Variants in XXYLT1 observed in about 807,000 individuals in gnomAD.
XXYLT1 encodes the protein UDP-xylose:alpha-xyloside alpha-1,3-xylosyltransferase.
In XXYLT1, 20 loss-of-function variants were observed where a neutral mutation model predicts 28.9. The observed-to-expected ratio is 0.69, with a 90% CI of 0.49 to 1.00. The LOEUF (loss-of-function observed/expected upper bound fraction) is 1.00. XXYLT1 is among the 50% of genes least tolerant of loss of function. The probability of loss-of-function intolerance (pLI) is 0.00; values close to 1 mark genes in which losing one functional copy is unlikely to be tolerated. For missense variants in XXYLT1, 542 were observed against 560.1 expected (o/e 0.97, Z 0.33); for synonymous variants, 257 against 253.8 (o/e 1.01, Z -0.12).
chr3:195,170,665 CT>C (rs1721361911), intron 2 of XXYLT1, among the ~76,000 whole-genome samples: 1 of 152,214 alleles, frequency 6.6e-6, no homozygotes, highest in South Asian at 2.1e-4. Flanking sequence ...CTCTGAGTAT[CT>C]GAGCAGCTTA....
chr3:195,202,875 G>A (rs1208221459), intron 2 of XXYLT1, among the ~76,000 whole-genome samples: 2 of 152,148 alleles, frequency 1.3e-5, no homozygotes, highest in African/African-American at 4.8e-5. Context: ...TCACAATGTA[G>A]AAATCACAAG....
intron 1 of XXYLT1, among the ~76,000 whole-genome samples, chr3:195,245,000 C>G (rs1724957151): frequency 2.0e-5 from 3 of 150,544 alleles, no homozygotes; most frequent in Non-Finnish European, 4.4e-5. Context: ...ACCCCCGTCT[C>G]TACTAAAAAT....
rs187218796 is a variant in XXYLT1 at position 195,133,985 on chromosome 3, G to C, written c.785+22464C>G. 1.1e-3 allele frequency among the ~76,000 whole-genome samples: 173 copies of C among 152,340 alleles called. No individual in the cohort carries two copies. The highest frequency in any genetic ancestry group is 3.9e-3 in the African/African-American group (164 of 41,584). On this transcript the variant is annotated intron_variant, in intron 3 of 3. Coordinates refer to ENST00000310380, the MANE Select transcript of XXYLT1 (RefSeq NM_152531.5). The surrounding 1 kb of genome is among the most constrained non-coding windows in gnomAD (Gnocchi z 4.4). ...CTGGCACTTTGGGAGGCTGAGGCAG[G>C]AGGGTCGCCTGAGCCCAGGAGTTTG...
rs375825540 is a variant in XXYLT1, at chr3:195,261,146, G to A, written c.504+9409C>T. Among the ~76,000 whole-genome samples, 5 of 152,238 alleles carry A rather than the reference G, an allele frequency of 3.3e-5. No individual in the cohort carries two copies. In the East Asian group the frequency reaches 9.6e-4, roughly 29 times the overall value. Reference sequence around the variant, plus strand: ...GCACTTTTATACATTCTAAAGGCCTGAACAGGCCGGGCGCGGTGGCTCACG... The same window carrying A: ...GCACTTTTATACATTCTAAAGGCCTAAACAGGCCGGGCGCGGTGGCTCACG... On this transcript the variant is annotated intron_variant, in intron 1 of 3. Coordinates refer to ENST00000310380, the MANE Select transcript of XXYLT1 (RefSeq NM_152531.5).
At chr3:195,113,119 A>T (rs902004525) in intron 3 of XXYLT1, among the ~76,000 whole-genome samples, 2 of 152,218 alleles carry the variant, frequency 1.3e-5, no homozygotes, top group Non-Finnish European at 2.9e-5. Context: ...TCATATGAGG[A>T]GCCCTCGCAC....
At chr3:195,121,423 T>C (rs917809788) in intron 3 of XXYLT1, among the ~76,000 whole-genome samples, 85 of 152,286 alleles carry the variant, frequency 5.6e-4, no homozygotes, top group African/African-American at 2.0e-3. Context: ...TTAACTCCTT[T>C]TGGCCTTCAT....
chr3:195,110,235 GGTGTGCGTGTGT>G (rs1717475141), intron 3 of XXYLT1, among the ~76,000 whole-genome samples: 4 of 10,482 alleles, frequency 3.8e-4, no homozygotes, highest in African/African-American at 4.1e-4. Context: ...ATAAGTGTGT[GGTGTGCGTGTGT>G]GGGTGAAGTG....
In XXYLT1 at chr3:195,173,275, G is replaced by C. The variant is rs1462507049; in HGVS notation, c.653-16694C>G. 6.6e-6 allele frequency among the ~76,000 whole-genome samples: 1 copy of C among 152,236 alleles called. No homozygotes were observed. Among genetic ancestry groups the C allele is most frequent in the Non-Finnish European group, 1.5e-5 (1 of 68,032 alleles). ...TTGTGAGGCTGGGGCCAAAGACAGA[G>C]AGTGTAGCTGCTACTCCTCAAGGAA... On this transcript the variant is annotated intron_variant, in intron 2 of 3. Coordinates refer to ENST00000310380, the MANE Select transcript of XXYLT1 (RefSeq NM_152531.5). The surrounding 1 kb of genome is among the most constrained non-coding windows in gnomAD (Gnocchi z 4.3).
chr3:195,184,580 T>C (rs1426094278), intron 2 of XXYLT1: 1 of 975,094 alleles, frequency 1.0e-6, no homozygotes, highest in Non-Finnish European at 1.2e-6. Flanking sequence ...CTCAAAATGG[T>C]TTGGAAGAAC....
intron 3 of XXYLT1, among the ~76,000 whole-genome samples, chr3:195,084,502 C>A (rs1306363143): frequency 6.6e-6 from 1 of 152,214 alleles, no homozygotes; most frequent in Non-Finnish European, 1.5e-5. Context: ...CACAAGACTG[C>A]CTGCAGCCTT....
intron 1 of XXYLT1, among the ~76,000 whole-genome samples, chr3:195,248,377 C>A (rs755044112): frequency 6.6e-6 from 1 of 152,120 alleles, no homozygotes; most frequent in Non-Finnish European, 1.5e-5. Context: ...CTGAATCGTG[C>A]GGGCAGGTCT....
chr3:195,146,444 C>CA (rs1719853610), intron 3 of XXYLT1, among the ~76,000 whole-genome samples: 1 of 152,228 alleles, frequency 6.6e-6, no homozygotes, highest in Admixed American at 6.5e-5. Context: ...GCTGTGCCTC[C>CA]ACTGTAGCCC....
At chr3:195,252,285 G>C (rs752427889) in intron 1 of XXYLT1, among the ~76,000 whole-genome samples, 1 of 152,150 alleles carries the variant, frequency 6.6e-6, no homozygotes, top group Admixed American at 6.5e-5. Flanking sequence ...GGATGGAGAA[G>C]AAATAGAGTG....
intron 1 of XXYLT1, among the ~76,000 whole-genome samples, chr3:195,247,550 A>G (rs1725078297): frequency 6.6e-6 from 1 of 152,228 alleles, no homozygotes; most frequent in Admixed American, 6.5e-5. Flanking sequence ...ACTGGCATTG[A>G]GCCCCAGTTC....
intron 3 of XXYLT1, among the ~76,000 whole-genome samples, chr3:195,130,564 A>T (rs908218356): frequency 4.2e-5 from 5 of 120,366 alleles, no homozygotes; most frequent in East Asian, 2.4e-4. Flanking sequence ...TAGATCAGGG[A>T]AAGGGTTCAT....
rs564071405 is a variant in XXYLT1, at chr3:195,101,519, A to T, written c.786-31408T>A. On this transcript the variant is annotated intron_variant, in intron 3 of 3. Transcript: ENST00000310380. ...TTTAAAACATTAGTAAGTCCCAGGG[A>T]CATTCCTTTTGTATACTACATATTT... Among the ~76,000 whole-genome samples, 26 of 152,354 alleles carry T rather than the reference A, an allele frequency of 1.7e-4. 1 individual carries two copies. The highest frequency in any genetic ancestry group is 2.6e-4 in the Non-Finnish European group (18 of 68,040).
chr3:195,190,439 G>A (rs1294769418), intron 2 of XXYLT1, among the ~76,000 whole-genome samples: 1 of 144,306 alleles, frequency 6.9e-6, no homozygotes. Flanking sequence ...AGGTTGCAGT[G>A]AGCCGAGTTA....
intron 3 of XXYLT1, among the ~76,000 whole-genome samples, chr3:195,108,621 C>A (rs925042266): frequency 6.6e-6 from 1 of 152,214 alleles, no homozygotes; most frequent in Non-Finnish European, 1.5e-5. Flanking sequence ...CCACCACACA[C>A]CTGGGCTGTA....
At chr3:195,118,290 G>C (rs1718155270) in intron 3 of XXYLT1, among the ~76,000 whole-genome samples, 1 of 152,220 alleles carries the variant, frequency 6.6e-6, no homozygotes, top group South Asian at 2.1e-4. Context: ...ACCCCTATCA[G>C]AAAAACTCTG....
Sources: gnomAD v4.1 joint callset for allele counts (sites outside exome capture counted in the v4.1 genomes callset) on GRCh38, gnomAD v4.1.1 for gene constraint, Gnocchi (gnomAD v3.1) non-coding constraint, MANE v1.5 for transcripts, NCBI Gene and HGNC (gene_info 2026-07-23, HGNC 2026-07-21) for gene names.